PTPN2: variants seen among roughly 807,000 people sequenced by gnomAD.
PTPN2 encodes the protein tyrosine-protein phosphatase non-receptor type 2.
PTPN2 carries 19 observed loss-of-function variants against 57.3 expected under a neutral mutation model. The observed-to-expected ratio is 0.33, with a 90% CI of 0.23 to 0.49. PTPN2 has a LOEUF of 0.49. PTPN2 is among the 20% of genes least tolerant of loss of function. PTPN2 has a pLI of 0.99. For synonymous variants in PTPN2, 153 were observed against 164.9 expected (o/e 0.93, Z 0.55); for missense variants, 358 against 501.1 (o/e 0.71, Z 2.73).
chr18:12,828,339 C>T (rs576633784), intron 4 of PTPN2, among the ~76,000 whole-genome samples: 1 of 152,246 alleles, frequency 6.6e-6, no homozygotes, highest in African/African-American at 2.4e-5. Context: ...ATAATGCTTG[C>T]TTGTAGAACT....
chr18:12,843,174 T>G (rs1350750171), intron 2 of PTPN2, among the ~76,000 whole-genome samples: 1 of 152,004 alleles, frequency 6.6e-6, no homozygotes, highest in Non-Finnish European at 1.5e-5. Flanking sequence ...CAGAAAAGGG[T>G]GACTACTACT....
chr18:12,819,706 C>T (rs1425580281), intron 5 of PTPN2, among the ~76,000 whole-genome samples: 1 of 150,418 alleles, frequency 6.6e-6, no homozygotes, highest in Admixed American at 6.6e-5. Context: ...TCAAAACATT[C>T]TAAAATAAGA....
intron 1 of PTPN2, among the ~76,000 whole-genome samples, chr18:12,867,968 T>C (rs902005900): frequency 1.3e-5 from 2 of 152,224 alleles, no homozygotes; most frequent in Non-Finnish European, 2.9e-5. Flanking sequence ...TAACAACATA[T>C]GTTTGGTCAT....
intron 2 of PTPN2, among the ~76,000 whole-genome samples, chr18:12,849,574 T>TAAATAAAA (rs1201858860): frequency 6.9e-6 from 1 of 144,956 alleles, no homozygotes; most frequent in Non-Finnish European, 1.5e-5. Context: ...AATAAATAAA[T>TAAATAAAA]AAAAAATAAA....
intron 4 of PTPN2, among the ~76,000 whole-genome samples, chr18:12,827,153 C>A (rs2042496774): frequency 1.3e-5 from 2 of 151,442 alleles, no homozygotes; most frequent in East Asian, 4.0e-4. Context: ...ACCATCCTGG[C>A]TAACACAGTG....
chr18:12,881,189 C>CT (rs1237062932), intron 1 of PTPN2, among the ~76,000 whole-genome samples: 2 of 152,292 alleles, frequency 1.3e-5, no homozygotes, highest in Non-Finnish European at 2.9e-5. Context: ...AATCCCAGCA[C>CT]TTTGAGAGGC....
At chr18:12,880,043 G>A (rs2044616772) in intron 1 of PTPN2, among the ~76,000 whole-genome samples, 1 of 152,184 alleles carries the variant, frequency 6.6e-6, no homozygotes, top group South Asian at 2.1e-4. Context: ...CGCTATGAAA[G>A]GGGAAGTCTT....
chr18:12,794,484 C>T lies in PTPN2; in HGVS notation c.1042G>A (p.Ala348Thr), dbSNP rs2041090834. 1 of 1,612,276 alleles carries T rather than the reference C, an allele frequency of 6.2e-7. No individual in the cohort carries two copies. Among genetic ancestry groups the T allele is most frequent in the Admixed American group, 1.7e-5 (1 of 59,938 alleles). The change falls in exon 9 of 9, where the codon GCT becomes ACT. Residue 348 changes from alanine to threonine, a missense_variant and splice_region_variant. Physicochemically the swap from Ala to Thr is moderately conservative, Grantham distance 58 (BLOSUM62 0). Transcript: ENST00000309660. Reference protein sequence around the residue: ...QDTMEENSESALRKRIREDRK... With the variant: ...QDTMEENSESTLRKRIREDRK... ...TCCTCTCGAATACGTTTCCGTAGAG[C>T]ACTATGAGGAAATAAAAACAAGTGA...
intron 8 of PTPN2, among the ~76,000 whole-genome samples, chr18:12,797,137 T>C (rs1568078911): frequency 6.6e-6 from 1 of 152,156 alleles, no homozygotes; most frequent in Non-Finnish European, 1.5e-5. Flanking sequence ...GTGAAAACAT[T>C]TGTGTTCAAG....
At chr18:12,819,826 G>A (rs186078894) in intron 5 of PTPN2, among the ~76,000 whole-genome samples, 52 of 142,784 alleles carry the variant, frequency 3.6e-4, no homozygotes, top group African/African-American at 1.3e-3. Context: ...GGGGTGGGGG[G>A]GATACAGTTA....
chr18:12,829,072 A>AT (rs2042577791), intron 4 of PTPN2, among the ~76,000 whole-genome samples: 3 of 152,006 alleles, frequency 2.0e-5, no homozygotes, highest in Admixed American at 2.0e-4. Context: ...TAATTTTTGT[A>AT]TTTTTTGTAG....
chr18:12,785,860 A>C (rs369311272), intron 9 of PTPN2: 1 of 1,593,604 alleles, frequency 6.3e-7, no homozygotes, highest in Non-Finnish European at 8.6e-7. Flanking sequence ...ACATAAAATA[A>C]GAAGTCATCT....
intron 1 of PTPN2, among the ~76,000 whole-genome samples, chr18:12,868,516 A>C (rs1372806382): frequency 6.6e-6 from 1 of 151,328 alleles, no homozygotes. Flanking sequence ...TTGGCCTCCC[A>C]AAGTGCTGGG....
intron 9 of PTPN2, chr18:12,786,390 T>C (rs2040844482): frequency 6.6e-6 from 1 of 152,368 alleles, no homozygotes; most frequent in South Asian, 2.1e-4. Context: ...TGAAGGATAA[T>C]ACTAACAATT....
intron 9 of PTPN2, chr18:12,786,834 TTC>T (rs1211212761): frequency 6.6e-6 from 1 of 152,224 alleles, no homozygotes; most frequent in Non-Finnish European, 1.5e-5. Flanking sequence ...CGTCCTTTTT[TTC>T]TCTGATTATC....
chr18:12,801,639 C>T (rs2041429351), intron 8 of PTPN2, among the ~76,000 whole-genome samples: 1 of 152,136 alleles, frequency 6.6e-6, no homozygotes, highest in Non-Finnish European at 1.5e-5. Flanking sequence ...GGTATGTCAG[C>T]TCACTGCAAC....
chr18:12,873,284 G>GTCTCCCCACGGTCTCCC (rs1267482695), intron 1 of PTPN2, among the ~76,000 whole-genome samples: 2 of 125,230 alleles, frequency 1.6e-5, no homozygotes, highest in Non-Finnish European at 1.8e-5. Flanking sequence ...CACGGTCTCC[G>GTCTCCCCACGGTCTCCC]TCTCCCCACG....
At chr18:12,805,646 T>C (rs1490271168) in intron 7 of PTPN2, among the ~76,000 whole-genome samples, 2 of 150,484 alleles carry the variant, frequency 1.3e-5, no homozygotes, top group Non-Finnish European at 3.0e-5. Flanking sequence ...TTTCTTTTTT[T>C]TTTTTTTTTT....
chr18:12,793,654 T>A lies in PTPN2; in HGVS notation c.*624A>T, dbSNP rs2041053239. On this transcript the variant is annotated 3_prime_UTR_variant, in exon 9 of 9. Transcript: ENST00000309660. ...TAACTGCTCATATCAAACTTCTCTT[T>A]AGAAAAATGGAAAATGTATCCAGTA... 1 of 983,520 alleles carries A rather than the reference T, an allele frequency of 1.0e-6. No homozygotes were observed. Among genetic ancestry groups the A allele is most frequent in the Non-Finnish European group, 1.2e-6 (1 of 827,930 alleles). The allele number at this position is 983,520 out of a possible 1,614,324, so 60.9% of individuals were successfully genotyped here.
Sources: allele counts gnomAD v4.1 joint callset (sites outside exome capture counted in the v4.1 genomes callset), GRCh38; gene constraint gnomAD v4.1.1; transcripts MANE v1.5; gene names NCBI Gene and HGNC (gene_info 2026-07-23, HGNC 2026-07-21).